Variants in ADAMTS17 observed in about 807,000 individuals in gnomAD.
ADAMTS17 encodes the protein A disintegrin and metalloproteinase with thrombospondin motifs 17.
A neutral mutation model predicts 141.5 loss-of-function variants in ADAMTS17; 113 were observed. The observed-to-expected ratio is 0.80, with a 90% CI of 0.69 to 0.93. The LOEUF is 0.93. ADAMTS17 is among the 40% of genes least tolerant of loss of function. The pLI, the probability that ADAMTS17 is intolerant of heterozygous loss-of-function variation, is 0.00. For missense variants in ADAMTS17, 1,659 were observed against 1,517.9 expected, an observed-to-expected ratio of 1.09 and a Z score of -1.54; for synonymous variants, 768 against 630.6, an observed-to-expected ratio of 1.22 and a Z score of -3.27.
intron 15 of ADAMTS17, among the ~76,000 whole-genome samples, chr15:100,069,169 G>A (rs914505454): frequency 6.6e-6 from 1 of 152,204 alleles, no homozygotes; most frequent in Non-Finnish European, 1.5e-5. Flanking sequence ...TGAATAAAAT[G>A]AAGCGAGAAG....
intron 3 of ADAMTS17, among the ~76,000 whole-genome samples, chr15:100,314,389 G>A (rs1182185585): frequency 6.6e-6 from 1 of 152,186 alleles, no homozygotes; most frequent in African/African-American, 2.4e-5. Context: ...AAGAAAATTT[G>A]TATGTATAGA....
At chr15:100,275,632 T>A (rs747776356) in intron 4 of ADAMTS17, among the ~76,000 whole-genome samples, 7 of 152,156 alleles carry the variant, frequency 4.6e-5, no homozygotes, top group South Asian at 2.1e-4. Context: ...CTCTGCACCC[T>A]GGCTGTGTCA....
chr15:100,199,897 C>T lies in ADAMTS17; in HGVS notation c.1076-474G>A, dbSNP rs557023869. Reference sequence around the variant, plus strand: ...TCCCCTCAGGCGATGCCCCTGCACCCGCACACCCTGAGAGGGAGCGCCTCC... The same window carrying T: ...TCCCCTCAGGCGATGCCCCTGCACCTGCACACCCTGAGAGGGAGCGCCTCC... On this transcript the variant is annotated intron_variant, in intron 7 of 21. Transcript: ENST00000268070. Among the ~76,000 whole-genome samples the T allele has an allele frequency of 4.6e-5, 7 of 152,338 alleles. No individual in the cohort carries two copies. In the South Asian group the frequency reaches 8.3e-4, roughly 18 times the overall value.
chr15:99,992,954 G>C (rs1032814072), intron 20 of ADAMTS17, 94 bp downstream of exon 20: 3 of 1,510,262 alleles, frequency 2.0e-6, no homozygotes, highest in Non-Finnish European at 1.8e-6. Flanking sequence ...TGGGACTGCC[G>C]CGTAGAATTG....
chr15:100,247,499 G>C (rs1455682820), intron 7 of ADAMTS17, among the ~76,000 whole-genome samples: 1 of 152,094 alleles, frequency 6.6e-6, no homozygotes, highest in Non-Finnish European at 1.5e-5. Context: ...AAATTCCCCA[G>C]AGGGCTCTAC....
At chr15:100,126,464 T>TGTTC (rs1438272288) in intron 12 of ADAMTS17, 4 of 152,218 alleles carry the variant, frequency 2.6e-5, no homozygotes, top group Non-Finnish European at 2.9e-5. Flanking sequence ...TGTTGAAGCT[T>TGTTC]GTTCTCAAGG....
At chr15:99,976,846 G>C (rs560391917) in intron 20 of ADAMTS17, among the ~76,000 whole-genome samples, 2 of 152,324 alleles carry the variant, frequency 1.3e-5, no homozygotes, top group South Asian at 4.1e-4. Context: ...CAGCAGCCAG[G>C]GGAGACTAAG....
chr15:99,976,510 G>A, intron 20 of ADAMTS17: 1 of 578,284 alleles, frequency 1.7e-6, no homozygotes, highest in East Asian at 2.9e-5. Flanking sequence ...AAAAACAGCA[G>A]CTGCCTGATA....
chr15:100,242,633 T>C (rs571704582), intron 7 of ADAMTS17, among the ~76,000 whole-genome samples: 1 of 152,250 alleles, frequency 6.6e-6, no homozygotes, highest in East Asian at 1.9e-4. Context: ...CCTCAAACCC[T>C]GCACTATTTG....
intron 15 of ADAMTS17, among the ~76,000 whole-genome samples, chr15:100,090,777 G>A (rs1298120441): frequency 2.0e-5 from 3 of 152,088 alleles, no homozygotes; most frequent in Non-Finnish European, 4.4e-5. Flanking sequence ...GGAGGCTGAG[G>A]CGGGTGGATC....
intron 3 of ADAMTS17, among the ~76,000 whole-genome samples, chr15:100,300,295 G>GA (rs1175321541): frequency 1.3e-5 from 2 of 152,118 alleles, no homozygotes; most frequent in East Asian, 3.9e-4. Flanking sequence ...TTAGGGGTGA[G>GA]AAAAAAGTCA....
chr15:100,098,065 G>C (rs1008609224), intron 14 of ADAMTS17, among the ~76,000 whole-genome samples: 1 of 152,234 alleles, frequency 6.6e-6, no homozygotes, highest in African/African-American at 2.4e-5. Flanking sequence ...TTCAAAGTTA[G>C]TATAAAAAGA....
chr15:100,124,901 G>A (rs2037649524), intron 12 of ADAMTS17, among the ~76,000 whole-genome samples: 2 of 152,200 alleles, frequency 1.3e-5, no homozygotes, highest in African/African-American at 2.4e-5. Flanking sequence ...AAGCAGCAAA[G>A]GTTTGCTGAG....
At chr15:100,261,783 C>T in intron 5 of ADAMTS17, 147 bp from the exon 6 acceptor site, 2 of 876,726 alleles carry the variant, frequency 2.3e-6, no homozygotes, top group Admixed American at 2.0e-5. Context: ...AAGCCTGATG[C>T]TAGTGGGTAC....
intron 7 of ADAMTS17, among the ~76,000 whole-genome samples, chr15:100,200,197 C>T (rs968048231): frequency 3.3e-5 from 5 of 152,302 alleles, no homozygotes; most frequent in East Asian, 1.9e-4. Context: ...CCAGGAGAAA[C>T]GCAATGCAGG....
chr15:100,260,554 C>T (rs950685588), intron 6 of ADAMTS17, among the ~76,000 whole-genome samples: 2 of 151,206 alleles, frequency 1.3e-5, no homozygotes, highest in Non-Finnish European at 2.9e-5. Context: ...GCAGAGGTTG[C>T]AGTGAGCCAG....
Position 100,277,859 on chromosome 15 carries a change from C to T in ADAMTS17, c.789+3370G>A, listed in dbSNP as rs1463569040. Among the ~76,000 whole-genome samples, 3 of 152,220 alleles carry T rather than the reference C, an allele frequency of 2.0e-5. No homozygotes were observed. In the East Asian group the frequency reaches 5.8e-4, roughly 29 times the overall value. On this transcript the variant is annotated intron_variant, in intron 4 of 21. Transcript: ENST00000268070. ...CACCCACGTTCATAGCAACATTATT[C>T]ACAGTAGCAAAAGGTAGAAACAACC...
Position 100,279,830 on chromosome 15 carries a change from G to A in ADAMTS17, c.789+1399C>T, listed in dbSNP as rs550045187. Among the ~76,000 whole-genome samples, 10 of 152,296 alleles carry A rather than the reference G, an allele frequency of 6.6e-5. No homozygotes were observed. In the East Asian group the frequency reaches 1.9e-3, roughly 29 times the overall value. ...TGGCTGTTTCTACAGCTGAGTTGTA[G>A]CTGTTTCTGCTTCTCATTTCCCATT... On this transcript the variant is annotated intron_variant, in intron 4 of 21. Coordinates refer to ENST00000268070, the MANE Select transcript of ADAMTS17 (RefSeq NM_139057.4).
intron 3 of ADAMTS17, among the ~76,000 whole-genome samples, chr15:100,292,331 TGTGGAATTAC>T (rs2044664637): frequency 6.6e-6 from 1 of 151,684 alleles, no homozygotes. Flanking sequence ...ACTCAGCCCG[TGTGGAATTAC>T]GAGAGACACT....
Sources: gnomAD v4.1 joint callset for allele counts (sites outside exome capture counted in the v4.1 genomes callset) on GRCh38, gnomAD v4.1.1 for gene constraint, MANE v1.5 for transcripts, NCBI Gene and HGNC (gene_info 2026-07-23, HGNC 2026-07-21) for gene names.